The following MYO9A variants were observed in gnomAD, a reference collection of about 807,000 sequenced individuals.
The protein encoded by MYO9A is myosin IXA.
In MYO9A, 103 loss-of-function variants were observed where a neutral mutation model predicts 293.3. That is an observed-to-expected ratio of 0.35 (90% CI 0.30 to 0.41). The LOEUF is 0.41. MYO9A is among the 10% of genes least tolerant of loss of function. The probability of loss-of-function intolerance (pLI) is 1.00; values close to 1 mark genes in which losing one functional copy is unlikely to be tolerated. For missense variants in MYO9A, 2,685 were observed against 3,033.0 expected (o/e 0.89, Z 2.69); for synonymous variants, 1,001 against 1,035.7 (o/e 0.97, Z 0.64).
chr15:71,849,940 T>TTTATGAACCCATTCACTATC, intron 38 of MYO9A, 96 bp downstream of exon 38: 1 of 1,426,820 alleles, frequency 7.0e-7, no homozygotes, highest in African/African-American at 1.7e-5. Flanking sequence ...AACACCTGAA[T>TTTATGAACCCATTCACTATC]TTATGAACCC....
intron 1 of MYO9A, among the ~76,000 whole-genome samples, chr15:72,113,523 C>T (rs2151178271): frequency 6.6e-6 from 1 of 152,290 alleles, no homozygotes; most frequent in East Asian, 1.9e-4. Context: ...CATACACATG[C>T]CATGCTACAG....
chr15:71,937,165 A>T (rs935673766), intron 16 of MYO9A, among the ~76,000 whole-genome samples: 4 of 152,100 alleles, frequency 2.6e-5, no homozygotes, highest in Non-Finnish European at 5.9e-5. Context: ...AATTCTTTTA[A>T]AAAAAGAAAA....
chr15:71,951,302 T>C (rs2059044607), intron 15 of MYO9A, among the ~76,000 whole-genome samples: 1 of 152,190 alleles, frequency 6.6e-6, no homozygotes, highest in Admixed American at 6.5e-5. Flanking sequence ...ACAAAACTTT[T>C]TGGGAATGCT....
chr15:72,035,219 T>C (rs763629306), intron 2 of MYO9A, among the ~76,000 whole-genome samples: 4 of 152,076 alleles, frequency 2.6e-5, no homozygotes, highest in Non-Finnish European at 5.9e-5. Flanking sequence ...AAGTAAAACA[T>C]TCACAGAAAG....
chr15:71,975,282 T>C (rs2076109007), intron 12 of MYO9A, among the ~76,000 whole-genome samples: 1 of 147,098 alleles, frequency 6.8e-6, no homozygotes. Context: ...AGCCAGGGCG[T>C]GGCCTATGAC....
chr15:71,947,655 T>C (rs1388425630), intron 15 of MYO9A, among the ~76,000 whole-genome samples: 1 of 152,188 alleles, frequency 6.6e-6, no homozygotes. Context: ...CTTTCAATCA[T>C]CTGAATGACC....
At position 71,826,639 on chromosome 15, in the gene MYO9A, G is replaced by A; in HGVS notation, c.7588C>T (p.Pro2530Ser). The change falls in exon 42 of 42, where the codon CCA (proline) becomes TCA (serine). Residue 2530 changes from proline (P) to serine (S), a missense_variant. Physicochemically the swap from Pro to Ser is moderately conservative, Grantham distance 74. Coordinates refer to ENST00000356056, the MANE Select transcript of MYO9A (RefSeq NM_006901.4). ...VMSGRRKTVD[P>S]DCTSNQQLAL... Reference sequence around the variant, plus strand: ...AGCTGTTGGTTGGAGGTGCAGTCTGGGTCCACAGTTTTTCTGCGGCCAGAC... The same window carrying A: ...AGCTGTTGGTTGGAGGTGCAGTCTGAGTCCACAGTTTTTCTGCGGCCAGAC... 1 of 1,612,762 alleles carries A rather than the reference G, an allele frequency of 6.2e-7. No homozygotes were observed. The highest frequency in any genetic ancestry group is 2.2e-5 in the East Asian group (1 of 44,866).
chr15:71,987,807 A>G (rs1475791908), intron 11 of MYO9A, among the ~76,000 whole-genome samples: 1 of 152,166 alleles, frequency 6.6e-6, no homozygotes, highest in Non-Finnish European at 1.5e-5. Context: ...GAACTTAACA[A>G]GTAATCACTG....
At chr15:72,112,236 A>C (rs2080805028) in intron 1 of MYO9A, among the ~76,000 whole-genome samples, 1 of 152,168 alleles carries the variant, frequency 6.6e-6, no homozygotes, top group African/African-American at 2.4e-5. Flanking sequence ...AATAAAAAAA[A>C]CACACACAAT....
chr15:71,887,690 T>C (rs2142892150), intron 27 of MYO9A, among the ~76,000 whole-genome samples: 1 of 152,294 alleles, frequency 6.6e-6, no homozygotes, highest in East Asian at 1.9e-4. Flanking sequence ...TTCCTCTGCA[T>C]GATGTGCATG....
chr15:71,874,732 G>C (rs1035824905), intron 32 of MYO9A, among the ~76,000 whole-genome samples: 1 of 152,104 alleles, frequency 6.6e-6, no homozygotes, highest in African/African-American at 2.4e-5. Flanking sequence ...AAAATATTTT[G>C]AAGGTAGAGT....
chr15:71,887,562 T>C (rs2057057729), intron 27 of MYO9A, among the ~76,000 whole-genome samples: 1 of 152,170 alleles, frequency 6.6e-6, no homozygotes. Flanking sequence ...TTCCCAGTTT[T>C]GTTACCTTTG....
chr15:71,971,981 T>G (rs1364681412), intron 12 of MYO9A, among the ~76,000 whole-genome samples: 1 of 151,962 alleles, frequency 6.6e-6, no homozygotes, highest in Non-Finnish European at 1.5e-5. Context: ...AAGGGAGGCC[T>G]CTAATATGAT....
At chr15:71,965,650 A>T (rs1256554221) in intron 13 of MYO9A, among the ~76,000 whole-genome samples, 1 of 152,198 alleles carries the variant, frequency 6.6e-6, no homozygotes, top group African/African-American at 2.4e-5. Flanking sequence ...GGAGGCAGAG[A>T]ATCGCTTAAA....
intron 13 of MYO9A, among the ~76,000 whole-genome samples, chr15:71,967,020 C>T (rs765235786): frequency 6.6e-6 from 1 of 152,172 alleles, no homozygotes; most frequent in African/African-American, 2.4e-5. Flanking sequence ...CTCCTATCTC[C>T]TGGCCTATAA....
chr15:71,850,260 AG>A, intron 37 of MYO9A, 93 bp from the exon 38 acceptor site: 2 of 1,441,414 alleles, frequency 1.4e-6, no homozygotes, highest in Non-Finnish European at 1.9e-6. Context: ...AAAAGAAGAC[AG>A]TATGACATGA....
intron 35 of MYO9A, among the ~76,000 whole-genome samples, chr15:71,852,598 G>A (rs527412887): frequency 5.3e-5 from 8 of 152,154 alleles, no homozygotes; most frequent in Admixed American, 2.0e-4. Context: ...CCCAACCTCA[G>A]GTGATCCACC....
intron 32 of MYO9A, among the ~76,000 whole-genome samples, chr15:71,865,799 ATAGT>A (rs1319209455): frequency 6.6e-6 from 1 of 152,206 alleles, no homozygotes; most frequent in Non-Finnish European, 1.5e-5. Flanking sequence ...AAATGGCTAA[ATAGT>A]TAAATTTTGT....
intron 12 of MYO9A, among the ~76,000 whole-genome samples, chr15:71,973,654 G>C (rs1461927472): frequency 1.3e-5 from 2 of 152,180 alleles, no homozygotes; most frequent in Admixed American, 6.5e-5. Context: ...AGATGAAGCA[G>C]CTGATATGCT....
Sources: gnomAD v4.1 joint callset for allele counts (sites outside exome capture counted in the v4.1 genomes callset) on GRCh38, gnomAD v4.1.1 for gene constraint, MANE v1.5 for transcripts, NCBI Gene and HGNC (gene_info 2026-07-23, HGNC 2026-07-21) for gene names.